Variants in CLEC12B observed in about 807,000 individuals in gnomAD.
CLEC12B encodes the protein macrophage antigen h.
In CLEC12B, 25 loss-of-function variants were observed where a neutral mutation model predicts 36.1. The ratio of observed to expected loss-of-function variants is 0.69; its 90% CI spans 0.50 to 0.97. The LOEUF is 0.97. CLEC12B is among the 50% of genes least tolerant of loss of function. CLEC12B has a pLI of 0.00. For missense variants in CLEC12B, 325 were observed against 318.4 expected, an observed-to-expected ratio of 1.02 and a Z score of -0.16; for synonymous variants, 110 against 108.5, an observed-to-expected ratio of 1.01 and a Z score of -0.09.
At chr12:10,013,042 C>T in intron 2 of CLEC12B, 159 bp downstream of exon 2, 1 of 640,204 alleles carries the variant, frequency 1.6e-6, no homozygotes, top group South Asian at 1.7e-5. Flanking sequence ...TCCCAAAAAA[C>T]CGGCAAAAGA....
intron 5 of CLEC12B, chr12:10,017,138 T>C: frequency 1.0e-6 from 1 of 985,358 alleles, no homozygotes; most frequent in South Asian, 4.7e-5. Context: ...CAATGTTTTG[T>C]CATGGCTATT....
chr12:10,017,527 C>G, intron 5 of CLEC12B: 1 of 985,432 alleles, frequency 1.0e-6, no homozygotes, highest in Non-Finnish European at 1.2e-6. Flanking sequence ...CCTACAGACC[C>G]TGGCCCCTGA....
rs1865428453 is a variant in CLEC12B, at chr12:10,014,592, A to G, written c.260A>G (p.Gln87Arg). 1 of 1,613,738 alleles carries G rather than the reference A, an allele frequency of 6.2e-7. No homozygotes were observed. The highest frequency in any genetic ancestry group is 2.2e-5 in the East Asian group (1 of 44,880). ...KLSQLQKTIQ[Q>R]QQDNLSQQLG... The stretch of plus-strand genomic sequence containing the variant: ...AGTCAACTTCAGAAAACCATCCAAC[A>G]GCAGCAGGATAACTTATCCCAGCAA... Residue 87 changes from glutamine (Q) to arginine (R), a missense_variant, in exon 3 of 6, where the codon CAG (glutamine) becomes CGG (arginine). Physicochemically the swap from Gln to Arg is conservative, Grantham distance 43 (BLOSUM62 1). Transcript: ENST00000338896.
chr12:10,016,281 T>C (rs915553130), intron 5 of CLEC12B: 1 of 152,482 alleles, frequency 6.6e-6, no homozygotes, highest in Admixed American at 6.5e-5. Flanking sequence ...TAGTGTCATG[T>C]TGAGGACTTG....
upstream of CLEC12B, among the ~76,000 whole-genome samples, chr12:10,007,731 G>A (rs1865247706): frequency 6.6e-6 from 1 of 152,230 alleles, no homozygotes; most frequent in South Asian, 2.1e-4. Context: ...ATCACATTCA[G>A]CTACTTGAAT....
At chr12:10,017,919 G>T in intron 5 of CLEC12B, 1 of 961,762 alleles carries the variant, frequency 1.0e-6, no homozygotes, top group Non-Finnish European at 1.2e-6. Context: ...TTATATTTGT[G>T]CATAATAAAA....
chr12:10,018,549 C>A lies in CLEC12B; in HGVS notation c.*68C>A. Reference sequence around the variant, plus strand: ...TAAGCTCATATGAGGAAAGAGGAAACTACGGTACCAGAGCCAAACCAGCTT... The same window carrying A: ...TAAGCTCATATGAGGAAAGAGGAAAATACGGTACCAGAGCCAAACCAGCTT... On this transcript the variant is annotated 3_prime_UTR_variant, in exon 6 of 6. Transcript: ENST00000338896. 1 of 1,351,234 alleles carries A rather than the reference C, an allele frequency of 7.4e-7. No homozygotes were observed. The highest frequency in any genetic ancestry group is 1.0e-6 in the Non-Finnish European group (1 of 989,210). 83.7% of individuals were successfully genotyped at this position (1,351,234 alleles called of 1,614,324 possible). A position where few individuals can be genotyped will look rare whatever the true frequency, so the allele number is the denominator to read the frequency against.
chr12:10,016,945 A>T (rs1053443794), intron 5 of CLEC12B: 1 of 929,504 alleles, frequency 1.1e-6, no homozygotes, highest in African/African-American at 1.9e-5. Context: ...ATCATTATCC[A>T]CCCCCCTCCC....
chr12:10,012,674 A>G, intron 1 of CLEC12B, 111 bp from the exon 2 acceptor site: 1 of 742,656 alleles, frequency 1.3e-6, no homozygotes, highest in Non-Finnish European at 2.2e-6. Flanking sequence ...TAAAGAAGCA[A>G]GAAAGAAACG....
chr12:10,009,740 A>G (rs1479922368), upstream of CLEC12B, among the ~76,000 whole-genome samples: 1 of 152,132 alleles, frequency 6.6e-6, no homozygotes, highest in Non-Finnish European at 1.5e-5. Context: ...CCACACAGAT[A>G]TGAACCTTGG....
Position 10,018,425 on chromosome 12 carries a change from A to AT in CLEC12B, c.781dup (p.Trp261LeufsTer13). 1 of 1,550,936 alleles carries AT rather than the reference A, an allele frequency of 6.4e-7. No homozygotes were observed. The highest frequency in any genetic ancestry group is 8.7e-7 in the Non-Finnish European group (1 of 1,146,554). ...TTATATTTCTCGCTGTAGTGCTGAA[A>AT]TTTTTTGGATTTGCGAGAAGACAGC... On this transcript the variant is annotated frameshift_variant, in exon 6 of 6. Transcript: ENST00000338896. LOFTEE classifies it high-confidence loss of function.
At position 10,014,507 on chromosome 12, in the gene CLEC12B, C is replaced by T. The variant is rs1404022978; in HGVS notation, c.191-16C>T. The T allele has an allele frequency of 6.4e-7, 1 of 1,562,060 alleles. No individual in the cohort carries two copies. Among genetic ancestry groups the T allele is most frequent in the African/African-American group, 1.4e-5 (1 of 73,850 alleles). On this transcript the variant is annotated splice_polypyrimidine_tract_variant and intron_variant, in intron 2 of 5. Coordinates refer to ENST00000338896, the MANE Select transcript of CLEC12B (RefSeq NM_001129998.3). Reference sequence around the variant, plus strand: ...ATAGAAGAATATATGAACTTGTCTCCTGTCATGTCTTGGAGTTTTGCAGAT... The same window carrying T: ...ATAGAAGAATATATGAACTTGTCTCTTGTCATGTCTTGGAGTTTTGCAGAT...
At chr12:10,009,391 TC>T (rs1865271489), upstream of CLEC12B, among the ~76,000 whole-genome samples, 1 of 152,188 alleles carries the variant, frequency 6.6e-6, no homozygotes, top group Non-Finnish European at 1.5e-5. Flanking sequence ...ATTTTTGTAA[TC>T]ATCTATTTAA....
intron 2 of CLEC12B, among the ~76,000 whole-genome samples, chr12:10,014,236 A>G (rs1865414621): frequency 6.6e-6 from 1 of 152,214 alleles, no homozygotes; most frequent in Non-Finnish European, 1.5e-5. Context: ...CAATTTCATG[A>G]AAATGAGTGG....
chr12:10,018,560 G>A lies in CLEC12B; in HGVS notation c.*79G>A, dbSNP rs567313851. The A allele has an allele frequency of 7.7e-6, 9 of 1,174,212 alleles. No individual in the cohort carries two copies. The South Asian group carries it at 1.3e-4, about 17-fold the overall frequency. 72.7% of individuals were successfully genotyped at this position (1,174,212 alleles called of 1,614,324 possible). The stretch of plus-strand genomic sequence containing the variant: ...GAGGAAAGAGGAAACTACGGTACCA[G>A]AGCCAAACCAGCTTTTAAAATGACT... On this transcript the variant is annotated 3_prime_UTR_variant, in exon 6 of 6. Coordinates refer to ENST00000338896, the MANE Select transcript of CLEC12B (RefSeq NM_001129998.3).
At chr12:10,011,633 G>A (rs1460079926) in intron 1 of CLEC12B, among the ~76,000 whole-genome samples, 1 of 152,128 alleles carries the variant, frequency 6.6e-6, no homozygotes, top group Non-Finnish European at 1.5e-5. Context: ...TCAAGACTCT[G>A]ATTTAATATA....
intron 5 of CLEC12B, chr12:10,016,442 T>C (rs12824889): frequency 0.067 from 10,742 of 161,052 alleles, 456 homozygotes; most frequent in Middle Eastern, 0.11. Context: ...TATGAAAAAA[T>C]AGACGTCAAC....
chr12:10,007,649 G>T (rs1164124581), upstream of CLEC12B, among the ~76,000 whole-genome samples: 1 of 152,194 alleles, frequency 6.6e-6, no homozygotes, highest in East Asian at 1.9e-4. Context: ...TAGGAGATTT[G>T]CAGAACAGAT....
At chr12:10,008,089 C>G (rs182652008), upstream of CLEC12B, among the ~76,000 whole-genome samples, 410 of 152,292 alleles carry the variant, frequency 2.7e-3, 4 homozygotes, top group Non-Finnish European at 4.4e-3. Flanking sequence ...ATGAAATTGT[C>G]TGCACTCTAG....
Sources: gnomAD v4.1 joint callset for allele counts (sites outside exome capture counted in the v4.1 genomes callset) on GRCh38, gnomAD v4.1.1 for gene constraint, MANE v1.5 for transcripts, NCBI Gene and HGNC (gene_info 2026-07-23, HGNC 2026-07-21) for gene names.